FIRRM: variants seen among roughly 807,000 people sequenced by gnomAD.
FIRRM encodes the protein FIGNL1-interacting regulator of recombination and mitosis.
chr1:169,834,231 G>A, the FIRRM span, among the ~76,000 whole-genome samples: 1 of 152,248 alleles, frequency 6.6e-6, no homozygotes, highest in East Asian at 1.9e-4. Flanking sequence ...ATAGGTAAAT[G>A]AGGGGTTACT....
chr1:169,830,428 A>G, the FIRRM span: 1 of 1,189,710 alleles, frequency 8.4e-7, no homozygotes, highest in Non-Finnish European at 1.2e-6. Flanking sequence ...GCTTATAGAA[A>G]AACTGTTTCA....
At chr1:169,804,170 G>A in the FIRRM span, 3 of 1,600,102 alleles carry the variant, frequency 1.9e-6, no homozygotes, top group South Asian at 1.1e-5. Context: ...AGCAGTTAAT[G>A]GAACTGCTGG....
At chr1:169,840,576 T>C in the FIRRM span, among the ~76,000 whole-genome samples, 1 of 151,120 alleles carries the variant, frequency 6.6e-6, no homozygotes, top group South Asian at 2.1e-4. Context: ...AGTGGTGTGA[T>C]CTCGGCTCAC....
At chr1:169,801,056 T>C in the FIRRM span, 2 of 661,962 alleles carry the variant, frequency 3.0e-6, no homozygotes, top group Admixed American at 6.0e-5. Context: ...GGCTCTCTTT[T>C]TCTAATATAT....
At chr1:169,790,626 T>C in the FIRRM span, among the ~76,000 whole-genome samples, 1 of 152,216 alleles carries the variant, frequency 6.6e-6, no homozygotes, top group Non-Finnish European at 1.5e-5. Flanking sequence ...GTCTCTGCTG[T>C]TCCTGAATGG....
the FIRRM span, chr1:169,793,564 CCT>C: frequency 8.7e-6 from 14 of 1,614,024 alleles, no homozygotes; most frequent in Non-Finnish European, 9.3e-6. Flanking sequence ...ATTTTCTGTC[CCT>C]CTCTTCTCCT....
the FIRRM span, among the ~76,000 whole-genome samples, chr1:169,798,103 A>G: frequency 6.6e-6 from 1 of 152,276 alleles, no homozygotes; most frequent in Non-Finnish European, 1.5e-5. Flanking sequence ...TGAGGAAAGA[A>G]AAATTTCTTG....
chr1:169,800,397 G>A, the FIRRM span, among the ~76,000 whole-genome samples: 2 of 152,052 alleles, frequency 1.3e-5, no homozygotes, highest in African/African-American at 4.8e-5. Context: ...AGTGATTCAT[G>A]TTCATTGTGG....
chr1:169,831,668 T>A, the FIRRM span, among the ~76,000 whole-genome samples: 3 of 152,246 alleles, frequency 2.0e-5, no homozygotes, highest in Non-Finnish European at 4.4e-5. Flanking sequence ...TTCTTCTAGT[T>A]CATTATGATA....
the FIRRM span, chr1:169,807,894 C>G: frequency 6.2e-7 from 1 of 1,609,086 alleles, no homozygotes; most frequent in Non-Finnish European, 8.5e-7. Context: ...TTCTTGTTTA[C>G]AGTTAGCTGA....
the FIRRM span, chr1:169,802,568 T>C: frequency 7.9e-7 from 1 of 1,270,166 alleles, no homozygotes; most frequent in Non-Finnish European, 1.1e-6. Flanking sequence ...TTTTGTCTTG[T>C]CTTTTCTAGT....
the FIRRM span, among the ~76,000 whole-genome samples, chr1:169,834,115 A>G: frequency 6.6e-6 from 1 of 152,132 alleles, no homozygotes; most frequent in African/African-American, 2.4e-5. Flanking sequence ...TATGAGGTCT[A>G]GAAGCAGTGT....
At chr1:169,807,184 C>T in the FIRRM span, among the ~76,000 whole-genome samples, 4 of 152,308 alleles carry the variant, frequency 2.6e-5, no homozygotes, top group East Asian at 1.9e-4. Flanking sequence ...ATACCAAACT[C>T]TCCTGTCCCA....
At chr1:169,784,911 A>T in the FIRRM span, 1 of 152,198 alleles carries the variant, frequency 6.6e-6, no homozygotes, top group Non-Finnish European at 1.5e-5. Flanking sequence ...TTCTCTACTC[A>T]TAGTAAGTAC....
the FIRRM span, among the ~76,000 whole-genome samples, chr1:169,835,340 CATT>C: frequency 6.6e-6 from 1 of 152,110 alleles, no homozygotes; most frequent in East Asian, 1.9e-4. Context: ...ATTGAAATCA[CATT>C]ATTTCTTTTA....
chr1:169,843,720 C>G, the FIRRM span: 1 of 1,612,882 alleles, frequency 6.2e-7, no homozygotes, highest in Non-Finnish European at 8.5e-7. Context: ...CTTTTACTTC[C>G]ACTGTTGGGA....
the FIRRM span, chr1:169,843,768 A>G: frequency 6.4e-7 from 1 of 1,571,650 alleles, no homozygotes; most frequent in Non-Finnish European, 8.8e-7. Context: ...CTGATACTTC[A>G]GGTAAGAATA....
the FIRRM span, among the ~76,000 whole-genome samples, chr1:169,812,977 C>T: frequency 2.6e-5 from 4 of 152,032 alleles, no homozygotes; most frequent in Admixed American, 1.3e-4. Flanking sequence ...ATTCCATTAG[C>T]GAACCATCCA....
the FIRRM span, among the ~76,000 whole-genome samples, chr1:169,833,846 CTTTTTT>C: frequency 2.4e-4 from 23 of 96,056 alleles, no homozygotes; most frequent in African/African-American, 7.2e-4. Flanking sequence ...AGTCACTTTC[CTTTTTT>C]TTTTTTTTTT....
Sources: gnomAD v4.1 joint callset for allele counts (sites outside exome capture counted in the v4.1 genomes callset) on GRCh38, gnomAD v4.1.1 for gene constraint, MANE v1.5 for transcripts, NCBI Gene and HGNC (gene_info 2026-07-23, HGNC 2026-07-21) for gene names.